TRAF2: variants seen among roughly 807,000 people sequenced by gnomAD.
TRAF2 encodes TNF receptor associated factor 2.
TRAF2 carries 6 observed loss-of-function variants against 55.6 expected under a neutral mutation model. The ratio of observed to expected loss-of-function variants is 0.11; its 90% CI spans 0.06 to 0.21. The LOEUF (loss-of-function observed/expected upper bound fraction) is 0.21, where lower values mean the gene tolerates loss of function less well. TRAF2 is among the 10% of genes least tolerant of loss of function. The pLI, the probability that TRAF2 is intolerant of heterozygous loss-of-function variation, is 1.00. For missense variants in TRAF2, 561 were observed against 684.5 expected (o/e 0.82, Z 2.01); for synonymous variants, 329 against 276.3 (o/e 1.19, Z -1.89).
chr9:136,883,015 C>G (rs1168961801), upstream of TRAF2, among the ~76,000 whole-genome samples: 4 of 152,196 alleles, frequency 2.6e-5, no homozygotes, highest in Admixed American at 6.5e-5. Flanking sequence ...GGATTACAGG[C>G]ACCTGCCATC....
Position 136,920,311 on chromosome 9 carries a change from G to A in TRAF2, c.756G>A (p.Leu252=), listed in dbSNP as rs1333164404. 8.7e-6 allele frequency: 14 copies of A among 1,613,844 alleles called. No individual in the cohort carries two copies. Among genetic ancestry groups the A allele is most frequent in the Admixed American group, 5.0e-5 (3 of 60,012 alleles). The change falls in exon 8 of 11, where the codon CTG becomes CTA. Residue 252 remains leucine (L), a synonymous_variant. Coordinates refer to ENST00000247668, the MANE Select transcript of TRAF2 (RefSeq NM_021138.4). The stretch of plus-strand genomic sequence containing the variant: ...TGGCCATGCTACTGAGCTCGGTGCT[G>A]GAGGCAAAGCCCCTCTTGGGAGACC... ...EHLAMLLSSV[L]EAKPLLGDQS... is the part of the protein sequence containing the mutation.
intron 9 of TRAF2, among the ~76,000 whole-genome samples, chr9:136,921,788 G>C (rs1204427410): frequency 6.6e-6 from 1 of 152,070 alleles, no homozygotes. Context: ...GGGTGGGGTG[G>C]TGGCTGCCCA....
Position 136,923,833 on chromosome 9 carries a change from AC to A in TRAF2, c.1139-15del. On this transcript the variant is annotated intron_variant, in intron 9 of 10. Coordinates refer to ENST00000247668, the MANE Select transcript of TRAF2 (RefSeq NM_021138.4). ...CTTGCTGAGTGTCAGCTCACCAGGCACCCCTCCTGCCTCCCCAGCCTTCTAC... is the reference window on the plus strand; with the variant it reads ...CTTGCTGAGTGTCAGCTCACCAGGCACCCTCCTGCCTCCCCAGCCTTCTAC... 1.2e-6 allele frequency: 2 copies of A among 1,611,210 alleles called. No homozygotes were observed. Among genetic ancestry groups the A allele is most frequent in the East Asian group, 2.2e-5 (1 of 44,812 alleles).
At chr9:136,886,503 T>C, upstream of TRAF2, 1 of 998,686 alleles carries the variant, frequency 1.0e-6, no homozygotes, top group South Asian at 4.3e-5. Flanking sequence ...GGGCGGTAGC[T>C]GGGCGGGCCC....
rs778797760 is a variant in TRAF2 at position 136,926,340 on chromosome 9, CCTG to C, written c.*443_*445del. On this transcript the variant is annotated 3_prime_UTR_variant, in exon 11 of 11. Coordinates refer to ENST00000247668, the MANE Select transcript of TRAF2 (RefSeq NM_021138.4). ...GAGGGCTGCTCCAGGAGAAGGGCCT[CCTG>C]CTGGCCAGAGCAAGGAAGGCTGAGC... 7 of 348,262 alleles carry C rather than the reference CCTG, an allele frequency of 2.0e-5. No homozygotes were observed. Among genetic ancestry groups the C allele is most frequent in the East Asian group, 1.5e-4 (2 of 13,406 alleles). 21.6% of individuals were successfully genotyped at this position (348,262 alleles called of 1,614,324 possible). A position where few individuals can be genotyped will look rare whatever the true frequency, so the allele number is the denominator to read the frequency against.
At chr9:136,888,846 T>C (rs1248408650) in intron 1 of TRAF2, among the ~76,000 whole-genome samples, 1 of 152,178 alleles carries the variant, frequency 6.6e-6, no homozygotes, top group African/African-American at 2.4e-5. Context: ...AGCTCGGCCC[T>C]ACCAGCAACA....
At chr9:136,924,863 T>C (rs558915366) in intron 10 of TRAF2, among the ~76,000 whole-genome samples, 163 of 152,120 alleles carry the variant, frequency 1.1e-3, no homozygotes, top group African/African-American at 3.2e-3. Context: ...CTCAGCCTCC[T>C]GAGTAGCTGG....
chr9:136,906,839 C>T (rs909275804), intron 4 of TRAF2, among the ~76,000 whole-genome samples: 2 of 152,186 alleles, frequency 1.3e-5, no homozygotes. Flanking sequence ...CTGAATCCGG[C>T]CCTCTCTCCC....
rs534168086 is a variant in TRAF2 at position 136,916,410 on chromosome 9, A to G, written c.604-131A>G. On this transcript the variant is annotated intron_variant, in intron 6 of 10. Coordinates refer to ENST00000247668, the MANE Select transcript of TRAF2 (RefSeq NM_021138.4). ...CTTTGGAAATGGGCTGTTGGGTTTC[A>G]TTCAGTGTGAGAGTGAAGAGGCCAA... The G allele has an allele frequency of 9.5e-6, 8 of 840,906 alleles. No homozygotes were observed. The South Asian group carries it at 1.1e-4, about 12-fold the overall frequency. 52.1% of individuals were successfully genotyped at this position (840,906 alleles called of 1,614,324 possible). A position where few individuals can be genotyped will look rare whatever the true frequency, so the allele number is the denominator to read the frequency against.
At chr9:136,885,420 C>T (rs1313260142), upstream of TRAF2, among the ~76,000 whole-genome samples, 2 of 152,120 alleles carry the variant, frequency 1.3e-5, no homozygotes, top group Admixed American at 1.3e-4. Flanking sequence ...CTGCAGCTCC[C>T]GTTCTCCTGG....
chr9:136,885,227 T>C (rs532320726), upstream of TRAF2, among the ~76,000 whole-genome samples: 1 of 152,214 alleles, frequency 6.6e-6, no homozygotes. Flanking sequence ...CTGCCCTGTT[T>C]TGCAGTGTAT....
intron 9 of TRAF2, among the ~76,000 whole-genome samples, chr9:136,923,199 G>C (rs1850438410): frequency 6.6e-6 from 1 of 152,186 alleles, no homozygotes. Flanking sequence ...TAAGCCCTGG[G>C]CCGGTCAGGG....
chr9:136,921,684 A>T (rs912933243), intron 9 of TRAF2, among the ~76,000 whole-genome samples: 3 of 142,712 alleles, frequency 2.1e-5, no homozygotes, highest in Non-Finnish European at 3.1e-5. Flanking sequence ...GGTGTTTCTC[A>T]CACTCCCCCA....
At chr9:136,889,075 AG>A (rs920280464) in intron 1 of TRAF2, among the ~76,000 whole-genome samples, 3 of 152,170 alleles carry the variant, frequency 2.0e-5, no homozygotes, top group African/African-American at 7.2e-5. Context: ...CATGTTAGCC[AG>A]GGTGGTCTCG....
chr9:136,910,704 G>T (rs892966307), intron 6 of TRAF2, among the ~76,000 whole-genome samples: 2 of 152,242 alleles, frequency 1.3e-5, no homozygotes, highest in East Asian at 3.9e-4. Context: ...GAGGGGTCAG[G>T]CTGGCCAGGC....
chr9:136,892,847 G>A (rs113864783), intron 1 of TRAF2, among the ~76,000 whole-genome samples: 6 of 152,292 alleles, frequency 3.9e-5, no homozygotes, highest in East Asian at 1.9e-4. Flanking sequence ...TTGCACTCCC[G>A]CCTGAGCGAC....
intron 7 of TRAF2, among the ~76,000 whole-genome samples, chr9:136,919,916 C>T (rs1375474895): frequency 6.6e-6 from 1 of 152,108 alleles, no homozygotes; most frequent in Non-Finnish European, 1.5e-5. Context: ...TGGGGTTTTG[C>T]CATGTTGCCC....
chr9:136,885,163 T>G (rs1225264349), upstream of TRAF2, among the ~76,000 whole-genome samples: 1 of 152,222 alleles, frequency 6.6e-6, no homozygotes, highest in Non-Finnish European at 1.5e-5. Flanking sequence ...ATATGAAATG[T>G]GGCATTGGCG....
chr9:136,895,520 G>A (rs1293216911), intron 1 of TRAF2, among the ~76,000 whole-genome samples: 3 of 152,174 alleles, frequency 2.0e-5, no homozygotes, highest in African/African-American at 7.2e-5. Context: ...AGCATCTACT[G>A]TCCTTCCTGG....
Sources: gnomAD v4.1 joint callset for allele counts (sites outside exome capture counted in the v4.1 genomes callset) on GRCh38, gnomAD v4.1.1 for gene constraint, MANE v1.5 for transcripts, NCBI Gene and HGNC (gene_info 2026-07-23, HGNC 2026-07-21) for gene names.